PDYN: variants seen among roughly 807,000 people sequenced by gnomAD.
The protein encoded by PDYN is proenkephalin-B.
PDYN carries 5 observed loss-of-function variants against 11.4 expected under a neutral mutation model. The observed-to-expected ratio is 0.44, with a 90% CI of 0.23 to 0.92. PDYN has a LOEUF of 0.92. PDYN is among the 40% of genes least tolerant of loss of function. The pLI is 0.24. For synonymous variants in PDYN, 132 were observed against 129.5 expected, an observed-to-expected ratio of 1.02 and a Z score of -0.13; for missense variants, 337 against 317.3, an observed-to-expected ratio of 1.06 and a Z score of -0.47.
intron 3 of PDYN, among the ~76,000 whole-genome samples, chr20:1,982,653 C>G (rs1319885549): frequency 6.6e-6 from 1 of 152,236 alleles, no homozygotes; most frequent in African/African-American, 2.4e-5. Context: ...CAATCTAGAG[C>G]TGCTGACTGC....
At chr20:1,983,483 C>G (rs569189798) in intron 2 of PDYN, among the ~76,000 whole-genome samples, 1 of 152,230 alleles carries the variant, frequency 6.6e-6, no homozygotes, top group East Asian at 1.9e-4. Flanking sequence ...GACTTCAAAA[C>G]CCACTTTGGC....
In PDYN at chr20:1,980,373, G is replaced by A. The variant is rs747195673; in HGVS notation, c.715C>T (p.Arg239Trp). 5 of 1,614,066 alleles carry A rather than the reference G, an allele frequency of 3.1e-6. No homozygotes were observed. The highest frequency in any genetic ancestry group is 1.7e-5 in the Admixed American group (1 of 60,012). ...FLRRQFKVVTRSQEDPNAYSG... is the reference protein window; with the variant it reads ...FLRRQFKVVTWSQEDPNAYSG... The stretch of plus-strand genomic sequence containing the variant: ...TAAGCATTCGGATCTTCCTGAGACC[G>A]AGTCACCACCTTGAACTGGCGCCGG... The change falls in exon 4 of 4, where the codon CGG becomes TGG. Residue 239 changes from arginine (R) to tryptophan (W), a missense_variant. Transcript: ENST00000217305.
At chr20:1,993,087 A>C (rs1447418435) in intron 1 of PDYN, among the ~76,000 whole-genome samples, 1 of 132,160 alleles carries the variant, frequency 7.6e-6, no homozygotes, top group Non-Finnish European at 1.6e-5. Context: ...GAAACTCATC[A>C]GCTTTTTGCT....
chr20:1,983,389 G>T (rs1987956986), intron 2 of PDYN, among the ~76,000 whole-genome samples: 1 of 152,200 alleles, frequency 6.6e-6, no homozygotes. Context: ...TGATTCAACA[G>T]ATGGGGAAGC....
At chr20:1,991,144 C>G (rs747095350) in intron 2 of PDYN, among the ~76,000 whole-genome samples, 14 of 152,184 alleles carry the variant, frequency 9.2e-5, no homozygotes, top group Non-Finnish European at 1.5e-4. Flanking sequence ...CACCAATTCT[C>G]TCCCTCCTGC....
In PDYN at chr20:1,980,252, A is replaced by G; in HGVS notation, c.*71T>C. The G allele has an allele frequency of 6.9e-7, 1 of 1,450,908 alleles. No homozygotes were observed. Among genetic ancestry groups the G allele is most frequent in the Non-Finnish European group, 9.7e-7 (1 of 1,032,826 alleles). 89.9% of individuals were successfully genotyped at this position (1,450,908 alleles called of 1,614,324 possible). On this transcript the variant is annotated 3_prime_UTR_variant, in exon 4 of 4. Coordinates refer to ENST00000217305, the MANE Select transcript of PDYN (RefSeq NM_024411.5). ...ATGGGGAAGGGGCACATATAAGAGG[A>G]TGAATGAATGCACTCCAACCTGAAA... is the stretch of plus-strand genomic sequence containing the variant.
chr20:1,991,728 T>C (rs143243628), intron 2 of PDYN, among the ~76,000 whole-genome samples: 442 of 152,362 alleles, frequency 2.9e-3, no homozygotes, highest in Non-Finnish European at 5.0e-3. Flanking sequence ...CAGTAACTAT[T>C]GATCTCTCTT....
At chr20:1,980,994 A>G (rs751038043) in intron 3 of PDYN, 36 bp from the exon 4 acceptor site, 1 of 1,611,550 alleles carries the variant, frequency 6.2e-7, no homozygotes. Context: ...GTGGCAAATG[A>G]TCAAAACACA....
At chr20:1,983,137 G>A in intron 2 of PDYN, 34 bp from the exon 3 acceptor site, 1 of 1,577,532 alleles carries the variant, frequency 6.3e-7, no homozygotes, top group Non-Finnish European at 8.6e-7. Context: ...AATGAAATCT[G>A]TGATCACCAC....
At position 1,980,070 on chromosome 20, in the gene PDYN, T is replaced by C. The variant is rs1987630117; in HGVS notation, c.*253A>G. ...CTGCTGCTGCTGCTGCCGCTGCTGATAGTTTTAGAGTCTAGGTGTCTGAGC... is the reference window on the plus strand; with the variant it reads ...CTGCTGCTGCTGCTGCCGCTGCTGACAGTTTTAGAGTCTAGGTGTCTGAGC... On this transcript the variant is annotated 3_prime_UTR_variant, in exon 4 of 4. Transcript: ENST00000217305. The C allele has an allele frequency of 5.4e-6, 3 of 552,988 alleles. No individual in the cohort carries two copies. The highest frequency in any genetic ancestry group is 3.1e-5 in the Admixed American group (1 of 32,520). The allele number at this position is 552,988 out of a possible 1,614,324, so 34.3% of individuals were successfully genotyped here. A position where few individuals can be genotyped will look rare whatever the true frequency, so the allele number is the denominator to read the frequency against.
In PDYN at chr20:1,983,004, G is replaced by A; in HGVS notation, c.81C>T (p.Ser27=). The A allele has an allele frequency of 1.9e-6, 3 of 1,614,114 alleles. No individual in the cohort carries two copies. Among genetic ancestry groups the A allele is most frequent in the South Asian group, 1.1e-5 (1 of 91,086 alleles). ...STTADCLSRC[S]LCAVKTQDGP... The stretch of plus-strand genomic sequence containing the variant: ...CATCCTGGGTCTTTACAGCACACAA[G>A]GAGCACCGCGACAGGCAGTCCGCTG... The change falls in exon 3 of 4, where the codon TCC becomes TCT. Residue 27 remains serine (S), a synonymous_variant. Transcript: ENST00000217305.
At chr20:1,989,913 G>A (rs564716900) in intron 2 of PDYN, among the ~76,000 whole-genome samples, 24 of 152,162 alleles carry the variant, frequency 1.6e-4, no homozygotes, top group Non-Finnish European at 3.1e-4. Context: ...GTGCACTCCA[G>A]GTGCCTCCCG....
chr20:1,990,771 A>C (rs1157476390), intron 2 of PDYN, among the ~76,000 whole-genome samples: 1 of 152,124 alleles, frequency 6.6e-6, no homozygotes, highest in African/African-American at 2.4e-5. Context: ...AAAGAGGATA[A>C]GCTAGAGAGA....
At chr20:1,991,888 T>C (rs988215262) in intron 2 of PDYN, among the ~76,000 whole-genome samples, 3 of 152,056 alleles carry the variant, frequency 2.0e-5, no homozygotes, top group African/African-American at 7.2e-5. Flanking sequence ...TCTGCTGGGA[T>C]GGGGAGGGGA....
intron 1 of PDYN, among the ~76,000 whole-genome samples, 152 bp from the exon 2 acceptor site, chr20:1,992,795 C>G (rs1272860635): frequency 1.3e-5 from 2 of 152,156 alleles, no homozygotes; most frequent in African/African-American, 4.8e-5. Context: ...TGCAATGGAT[C>G]TCGACTGGGA....
rs768036104 is a variant in PDYN, at chr20:1,980,591, TC to T, written c.496del (p.Glu166ArgfsTer72). 1 of 1,614,160 alleles carries T rather than the reference TC, an allele frequency of 6.2e-7. No individual in the cohort carries two copies. Reference sequence around the variant, plus strand: ...GCGTTTGACCTGCTCCTTGGGGTCCTCCTCAGCGAGATAGAGTGTGCCAGTC... The same window carrying T: ...GCGTTTGACCTGCTCCTTGGGGTCCTCTCAGCGAGATAGAGTGTGCCAGTC... The part of the protein sequence containing the change: ...METGTLYLAE[E>X]DPKEQVKRYG... On this transcript the variant is annotated frameshift_variant, in exon 4 of 4. Coordinates refer to ENST00000217305, the MANE Select transcript of PDYN (RefSeq NM_024411.5). LOFTEE classifies it high-confidence loss of function.
At chr20:1,986,399 C>A (rs1988186546) in intron 2 of PDYN, among the ~76,000 whole-genome samples, 1 of 152,194 alleles carries the variant, frequency 6.6e-6, no homozygotes, top group African/African-American at 2.4e-5. Flanking sequence ...AGCCTCCAAT[C>A]TTTCCCTCCT....
chr20:1,982,767 G>A lies in PDYN; in HGVS notation c.129+189C>T, dbSNP rs6035222. 0.17 allele frequency among the ~76,000 whole-genome samples: 25,314 copies of A among 152,118 alleles called. 2,656 individuals are homozygous for A. The highest frequency in any genetic ancestry group is 0.3 in the African/African-American group (12,573 of 41,426). On this transcript the variant is annotated intron_variant, in intron 3 of 3. Coordinates refer to ENST00000217305, the MANE Select transcript of PDYN (RefSeq NM_024411.5). ...GGCCTAAGTGAACCCATGATGGCGA[G>A]GTCTGGAGTGGGGACACAGCAGCCC...
At chr20:1,984,763 G>C (rs1176341388) in intron 2 of PDYN, among the ~76,000 whole-genome samples, 5 of 152,108 alleles carry the variant, frequency 3.3e-5, no homozygotes, top group Non-Finnish European at 7.3e-5. Context: ...GCTGGGAAGA[G>C]TGGCATGTAC....
Sources: allele counts gnomAD v4.1 joint callset (sites outside exome capture counted in the v4.1 genomes callset), GRCh38; gene constraint gnomAD v4.1.1; transcripts MANE v1.5; gene names NCBI Gene and HGNC (gene_info 2026-07-23, HGNC 2026-07-21).